The following TP53BP1 variants were observed in gnomAD, a reference collection of about 807,000 sequenced individuals.
TP53BP1 encodes the protein TP53-binding protein 1.
Under a neutral mutation model 200.8 loss-of-function variants are expected in TP53BP1, and 61 were observed. The observed-to-expected ratio is 0.30, with a 90% CI of 0.25 to 0.38. The LOEUF is 0.38. TP53BP1 is among the 10% of genes least tolerant of loss of function. The pLI is 1.00. For synonymous variants in TP53BP1, 822 were observed against 844.3 expected (o/e 0.97, Z 0.46); for missense variants, 2,144 against 2,371.9 (o/e 0.90, Z 2.00).
chr15:43,416,276 C>G lies in TP53BP1; in HGVS notation c.4822G>C (p.Gly1608Arg). ...AGAGGTGTTACTGCTTCATAGGGGC[C>G]AAGCCCATACTGCTCTCTCAGTCTG... ...GNRLREQYGL[G>R]PYEAVTPLTK... is the part of the protein sequence containing the mutation. The change falls in exon 22 of 28, where the codon GGC becomes CGC. Residue 1608 changes from glycine to arginine, a missense_variant. Transcript: ENST00000382044. 1 of 1,614,144 alleles carries G rather than the reference C, an allele frequency of 6.2e-7. No individual in the cohort carries two copies. The highest frequency in any genetic ancestry group is 1.1e-5 in the South Asian group (1 of 91,082).
intron 12 of TP53BP1, among the ~76,000 whole-genome samples, chr15:43,450,351 C>T (rs2046137973): frequency 6.6e-6 from 1 of 152,178 alleles, no homozygotes; most frequent in Non-Finnish European, 1.5e-5. Flanking sequence ...TTATTAAAAG[C>T]CATCTAGTTA....
chr15:43,432,610 T>A lies in TP53BP1; in HGVS notation c.3259A>T (p.Thr1087Ser), dbSNP rs753263851. The change falls in exon 17 of 28, where the codon ACA becomes TCA. Residue 1087 changes from threonine (T) to serine (S), a missense_variant. Physicochemically the swap from Thr to Ser is moderately conservative, Grantham distance 58. Around this residue, in one of 4 missense-constraint regions of TP53BP1, gnomAD observed 1,700 missense variants for 1,710.3 expected, o/e 0.99. Coordinates refer to ENST00000382044, the MANE Select transcript of TP53BP1 (RefSeq NM_001141980.3). Reference protein sequence around the residue: ...EEKEKLEGDHTIRQSQQPMKP... With the variant: ...EEKEKLEGDHSIRQSQQPMKP... ...ATAGGCTGTTGACTCTGCCTGATTG[T>A]ATGGTCACCCTCCAATTTTTCTTTC... 1 of 1,613,482 alleles carries A rather than the reference T, an allele frequency of 6.2e-7. No homozygotes were observed.
chr15:43,499,181 A>T (rs2079197043), intron 1 of TP53BP1, among the ~76,000 whole-genome samples: 1 of 152,170 alleles, frequency 6.6e-6, no homozygotes, highest in East Asian at 1.9e-4. Context: ...GCTGTGAAAT[A>T]GTTACTCATA....
In TP53BP1 at chr15:43,404,762, CAGTG is replaced by C. The variant is rs1235726696; in HGVS notation, c.*2617_*2620del. On this transcript the variant is annotated 3_prime_UTR_variant, in exon 28 of 28. Transcript: ENST00000382044. The stretch of plus-strand genomic sequence containing the variant: ...CATCATAAAATACTAAAAAACCTGA[CAGTG>C]AGATAGGTGTTAAGTCCTTTGCTAG... The C allele has an allele frequency of 5.1e-6, 3 of 593,224 alleles. No homozygotes were observed. The highest frequency in any genetic ancestry group is 8.6e-6 in the Non-Finnish European group (3 of 349,926). The allele number at this position is 593,224 out of a possible 1,614,324, so 36.7% of individuals were successfully genotyped here. A position where few individuals can be genotyped will look rare whatever the true frequency, so the allele number is the denominator to read the frequency against.
Position 43,406,378 on chromosome 15 carries a change from T to C in TP53BP1, c.*1005A>G. 1 of 321,422 alleles carries C rather than the reference T, an allele frequency of 3.1e-6. No homozygotes were observed. Among genetic ancestry groups the C allele is most frequent in the Non-Finnish European group, 6.1e-6 (1 of 162,688 alleles). 19.9% of individuals were successfully genotyped at this position (321,422 alleles called of 1,614,324 possible). A position where few individuals can be genotyped will look rare whatever the true frequency, so the allele number is the denominator to read the frequency against. On this transcript the variant is annotated 3_prime_UTR_variant, in exon 28 of 28. Transcript: ENST00000382044. Reference sequence around the variant, plus strand: ...GAAGCTCTGACAACTTATTCCCTGCTATTATCAACTAAAGATCACCCTTTC... The same window carrying C: ...GAAGCTCTGACAACTTATTCCCTGCCATTATCAACTAAAGATCACCCTTTC...
chr15:43,484,079 A>G (rs575799115), intron 4 of TP53BP1, among the ~76,000 whole-genome samples: 9 of 152,270 alleles, frequency 5.9e-5, no homozygotes, highest in Admixed American at 5.2e-4. Context: ...AGATAGCACA[A>G]TGTTTCATAT....
At position 43,457,149 on chromosome 15, in the gene TP53BP1, T is replaced by A. The variant is rs1302311339; in HGVS notation, c.1459A>T (p.Ser487Cys). ...GAACACTCAACTGTCAAAGATGAAC[T>A]ATGCATATCTCCATCTTTCTTCCCA... is the stretch of plus-strand genomic sequence containing the variant. The part of the protein sequence containing the change: ...NDGKKDGDMH[S>C]SSLTVECSKT... The change falls in exon 12 of 28, where the codon AGT becomes TGT. Residue 487 changes from serine to cysteine, a missense_variant. By Grantham distance (112) the Ser-to-Cys change is moderately radical. Transcript: ENST00000382044. 1 of 1,613,198 alleles carries A rather than the reference T, an allele frequency of 6.2e-7. No individual in the cohort carries two copies. Among genetic ancestry groups the A allele is most frequent in the Non-Finnish European group, 8.5e-7 (1 of 1,179,314 alleles).
At chr15:43,484,667 TCATGCCTCAGGGTCTTTGAA>T (rs2079020444) in intron 4 of TP53BP1, among the ~76,000 whole-genome samples, 1 of 152,170 alleles carries the variant, frequency 6.6e-6, no homozygotes, top group Admixed American at 6.5e-5. Context: ...CCAGGGACGC[TCATGCCTCAGGGTCTTTGAA>T]CTTGCCATTC....
chr15:43,488,091 GCATTGGAGAC>G (rs1410344075), intron 4 of TP53BP1, among the ~76,000 whole-genome samples: 1 of 152,118 alleles, frequency 6.6e-6, no homozygotes, highest in Non-Finnish European at 1.5e-5. Flanking sequence ...TTGAGCCCAG[GCATTGGAGAC>G]CACCCTGGCC....
chr15:43,497,292 A>C (rs1316694309), upstream of TP53BP1: 1 of 338,846 alleles, frequency 3.0e-6, no homozygotes, highest in Non-Finnish European at 4.2e-6. Flanking sequence ...AGGTGGAAGA[A>C]TCACTTGAAC....
chr15:43,464,577 G>A (rs1752882561), intron 11 of TP53BP1, among the ~76,000 whole-genome samples: 1 of 152,058 alleles, frequency 6.6e-6, no homozygotes, highest in South Asian at 2.1e-4. Flanking sequence ...GAGTAACTGT[G>A]GTATATCCAC....
chr15:43,468,723 T>A (rs1168139151), intron 11 of TP53BP1, among the ~76,000 whole-genome samples: 1 of 152,116 alleles, frequency 6.6e-6, no homozygotes, highest in Admixed American at 6.6e-5. Context: ...TTCATAAACA[T>A]CCTACGAGGT....
At chr15:43,481,102 T>C (rs2078958397) in intron 4 of TP53BP1, 80 bp from the exon 5 acceptor site, 4 of 1,544,244 alleles carry the variant, frequency 2.6e-6, no homozygotes, top group East Asian at 2.3e-5. Context: ...CCCCAACACA[T>C]ACCAACCATC....
At chr15:43,433,484 C>T (rs768627227) in intron 16 of TP53BP1, among the ~76,000 whole-genome samples, 1 of 152,210 alleles carries the variant, frequency 6.6e-6, no homozygotes, top group Non-Finnish European at 1.5e-5. Context: ...AGAAATTTGA[C>T]ATTCATGTCT....
chr15:43,452,572 C>CA (rs983442777), intron 12 of TP53BP1, among the ~76,000 whole-genome samples: 34 of 150,434 alleles, frequency 2.3e-4, no homozygotes, highest in Non-Finnish European at 3.0e-4. Flanking sequence ...CAAAAACAAA[C>CA]AAAAAAAAAG....
At position 43,492,037 on chromosome 15, in the gene TP53BP1, C is replaced by G; in HGVS notation, c.251G>C (p.Gly84Ala). ...AGEERGDGNS[G>A]FNEHLKENKV... is the part of the protein sequence containing the mutation. ...GTTTTCTTTCAAATGTTCATTGAACCCACTATTACCGTCTCCTCGTTCTTC... is the reference window on the plus strand; with the variant it reads ...GTTTTCTTTCAAATGTTCATTGAACGCACTATTACCGTCTCCTCGTTCTTC... Residue 84 changes from glycine to alanine, a missense_variant, in exon 3 of 28, where the codon GGG becomes GCG. Around this residue, in one of 4 missense-constraint regions of TP53BP1, gnomAD observed 1,700 missense variants for 1,710.3 expected, o/e 0.99. Coordinates refer to ENST00000382044, the MANE Select transcript of TP53BP1 (RefSeq NM_001141980.3). 1 of 1,613,976 alleles carries G rather than the reference C, an allele frequency of 6.2e-7. No individual in the cohort carries two copies. Among genetic ancestry groups the G allele is most frequent in the East Asian group, 2.2e-5 (1 of 44,852 alleles).
chr15:43,508,625 CTG>C (rs1208660057), intron 1 of TP53BP1, among the ~76,000 whole-genome samples: 2 of 152,192 alleles, frequency 1.3e-5, no homozygotes, highest in African/African-American at 4.8e-5. Flanking sequence ...CAGCAAGACT[CTG>C]TCTCTAAATA....
chr15:43,465,140 G>A (rs990704461), intron 11 of TP53BP1, among the ~76,000 whole-genome samples: 3 of 151,848 alleles, frequency 2.0e-5, no homozygotes, highest in African/African-American at 7.3e-5. Flanking sequence ...AATCTATAGA[G>A]ACAGAAAGTA....
intron 9 of TP53BP1, among the ~76,000 whole-genome samples, chr15:43,475,064 G>A (rs988829433): frequency 6.6e-6 from 1 of 152,108 alleles, no homozygotes; most frequent in Admixed American, 6.5e-5. Flanking sequence ...GCAGTGCTAG[G>A]AAATAAATTC....
Sources: gnomAD v4.1 joint callset for allele counts (sites outside exome capture counted in the v4.1 genomes callset) on GRCh38, gnomAD v4.1.1 for gene constraint, gnomAD v4.1.1 regional missense constraint, MANE v1.5 for transcripts, NCBI Gene and HGNC (gene_info 2026-07-23, HGNC 2026-07-21) for gene names.